FAM221A: variants seen among roughly 807,000 people sequenced by gnomAD.
FAM221A encodes family with sequence similarity 221 member A.
Under a neutral mutation model 37.6 loss-of-function variants are expected in FAM221A, and 43 were observed. That is an observed-to-expected ratio of 1.15 (90% CI 0.90 to 1.48). The LOEUF is 1.48. Among genes scored for constraint, FAM221A ranks in the 40% most tolerant of loss-of-function variants. The pLI is 0.00. For missense variants in FAM221A, 361 were observed against 361.5 expected, an observed-to-expected ratio of 1.00 and a Z score of 0.01; for synonymous variants, 135 against 132.9, an observed-to-expected ratio of 1.02 and a Z score of -0.11.
At chr7:23,700,978 T>C in intron 6 of FAM221A, 110 bp downstream of exon 6, 2 of 758,630 alleles carry the variant, frequency 2.6e-6, no homozygotes, top group Non-Finnish European at 4.3e-6. Context: ...ATAAAGTCTT[T>C]ACTTACAGTT....
At chr7:23,700,251 T>C (rs1347786392) in intron 5 of FAM221A, among the ~76,000 whole-genome samples, 1 of 152,230 alleles carries the variant, frequency 6.6e-6, no homozygotes, top group African/African-American at 2.4e-5. Flanking sequence ...ATTAGGCTCT[T>C]GGCTACCTGC....
intron 2 of FAM221A, chr7:23,687,798 C>T (rs1023046757): frequency 1.3e-5 from 2 of 151,826 alleles, no homozygotes; most frequent in Non-Finnish European, 2.9e-5. Flanking sequence ...CATACACCAC[C>T]ATGCTGGGCT....
intron 4 of FAM221A, chr7:23,692,844 A>G (rs559400849): frequency 2.9e-4 from 202 of 694,176 alleles, no homozygotes; most frequent in South Asian, 2.5e-3. Flanking sequence ...ATTTGTATTT[A>G]TTGTTTAAGA....
intron 4 of FAM221A, chr7:23,693,808 A>AT (rs1461611617): frequency 5.3e-5 from 8 of 152,182 alleles, no homozygotes; most frequent in Admixed American, 6.5e-5. Context: ...TGCCCAAATC[A>AT]TTTGAAACTC....
At chr7:23,695,851 C>T (rs1206862808) in intron 4 of FAM221A, among the ~76,000 whole-genome samples, 1 of 152,014 alleles carries the variant, frequency 6.6e-6, no homozygotes, top group East Asian at 1.9e-4. Context: ...TTTCCTCTTC[C>T]TTTCCAATAT....
intron 4 of FAM221A, among the ~76,000 whole-genome samples, chr7:23,696,552 A>G (rs571901973): frequency 1.7e-4 from 26 of 152,278 alleles, no homozygotes; most frequent in Non-Finnish European, 3.2e-4. Flanking sequence ...TGACAGAGTA[A>G]CACCCTGCCT....
chr7:23,697,169 C>T (rs1351805155), intron 4 of FAM221A, among the ~76,000 whole-genome samples: 6 of 152,196 alleles, frequency 3.9e-5, no homozygotes, highest in Non-Finnish European at 8.8e-5. Flanking sequence ...AGCACAAGGA[C>T]GTGCGTGGGC....
intron 6 of FAM221A, among the ~76,000 whole-genome samples, 165 bp downstream of exon 6, chr7:23,701,033 A>G (rs747093387): frequency 6.6e-6 from 1 of 152,210 alleles, no homozygotes; most frequent in Admixed American, 6.5e-5. Context: ...AAACAGGGCT[A>G]AAGAATAACA....
intron 2 of FAM221A, among the ~76,000 whole-genome samples, chr7:23,685,014 C>T (rs1784282759): frequency 6.6e-6 from 1 of 152,152 alleles, no homozygotes; most frequent in South Asian, 2.1e-4. Context: ...CTTTGGGAGG[C>T]CGAGGTGGGT....
At chr7:23,693,807 C>A (rs1784886421) in intron 4 of FAM221A, 1 of 152,154 alleles carries the variant, frequency 6.6e-6, no homozygotes, top group Admixed American at 6.5e-5. Flanking sequence ...TTGCCCAAAT[C>A]ATTTGAAACT....
intron 3 of FAM221A, 89 bp from the exon 4 acceptor site, chr7:23,691,301 G>T: frequency 1.6e-6 from 2 of 1,230,726 alleles, no homozygotes; most frequent in South Asian, 1.3e-5. Flanking sequence ...AGAGGATCTA[G>T]GTTCAGCTGG....
intron 2 of FAM221A, among the ~76,000 whole-genome samples, chr7:23,685,625 TTATA>T (rs1784325389): frequency 6.6e-6 from 1 of 152,238 alleles, no homozygotes; most frequent in African/African-American, 2.4e-5. Context: ...TAATTGCCTT[TTATA>T]CCTTAAGGAT....
rs1784332650 is a variant in FAM221A, at chr7:23,685,769, A to G, written c.239+1097A>G. Among the ~76,000 whole-genome samples the G allele has an allele frequency of 2.0e-5, 3 of 152,224 alleles. No individual in the cohort carries two copies. The South Asian group carries it at 6.2e-4, about 32-fold the overall frequency. Reference sequence around the variant, plus strand: ...TCAGTTTTTGGCTTGAGTTGTCTGTATCTGAAGTTTGCGTTTTGCTGTGTG... The same window carrying G: ...TCAGTTTTTGGCTTGAGTTGTCTGTGTCTGAAGTTTGCGTTTTGCTGTGTG... On this transcript the variant is annotated intron_variant, in intron 2 of 6. Transcript: ENST00000344962.
chr7:23,698,192 G>T lies in FAM221A; in HGVS notation c.638G>T (p.Gly213Val). 6.6e-7 allele frequency: 1 copy of T among 1,505,206 alleles called. No individual in the cohort carries two copies. Among genetic ancestry groups the T allele is most frequent in the Non-Finnish European group, 9.2e-7 (1 of 1,086,792 alleles). 93.2% of individuals were successfully genotyped at this position (1,505,206 alleles called of 1,614,324 possible). The change falls in exon 5 of 7, where the codon GGT (glycine) becomes GTT (valine). Residue 213 changes from glycine to valine, a missense_variant and splice_region_variant. Gly to Val is a moderately radical substitution (Grantham distance 109). Coordinates refer to ENST00000344962, the MANE Select transcript of FAM221A (RefSeq NM_199136.5). ...GYMRLDDSGI[G>V]VPSVEFLESP... Reference sequence around the variant, plus strand: ...TATTCTCCATGTATTGTTTTCTCAGGTGTACCTTCAGTTGAATTTTTAGAA... The same window carrying T: ...TATTCTCCATGTATTGTTTTCTCAGTTGTACCTTCAGTTGAATTTTTAGAA...
intron 4 of FAM221A, among the ~76,000 whole-genome samples, chr7:23,696,506 A>G (rs1272850024): frequency 1.3e-5 from 2 of 152,300 alleles, no homozygotes; most frequent in East Asian, 3.9e-4. Context: ...AGAGGTTGCA[A>G]TGAGCTGTGA....
intron 2 of FAM221A, chr7:23,686,349 G>T (rs1280755113): frequency 7.4e-6 from 3 of 402,862 alleles, no homozygotes; most frequent in Admixed American, 2.8e-5. Context: ...TTGCAGCCTC[G>T]ACCTCCTGGG....
At chr7:23,694,873 A>G (rs1382033132) in intron 4 of FAM221A, 3 of 152,146 alleles carry the variant, frequency 2.0e-5, no homozygotes, top group Non-Finnish European at 4.4e-5. Context: ...ACCTGTTCTT[A>G]TGTTTTAATT....
chr7:23,690,729 T>C (rs1479466867), intron 3 of FAM221A, among the ~76,000 whole-genome samples: 1 of 152,194 alleles, frequency 6.6e-6, no homozygotes, highest in African/African-American at 2.4e-5. Context: ...TCAGAACATT[T>C]TTCTCACCCC....
rs1406663307 is a variant in FAM221A, at chr7:23,691,545, G to A, written c.586G>A (p.Gly196Ser). Residue 196 changes from glycine to serine, a missense_variant, in exon 4 of 7, where the codon GGT becomes AGT. Physicochemically the swap from Gly to Ser is moderately conservative, Grantham distance 56. Coordinates refer to ENST00000344962, the MANE Select transcript of FAM221A (RefSeq NM_199136.5). ...TTATGCAGCCATGGGAGGATTAACTGGTTTCAGCTCGCTGGCGGAAGGCTA... is the reference window on the plus strand; with the variant it reads ...TTATGCAGCCATGGGAGGATTAACTAGTTTCAGCTCGCTGGCGGAAGGCTA... ...IPYAAMGGLT[G>S]FSSLAEGYMR... 1 of 1,614,066 alleles carries A rather than the reference G, an allele frequency of 6.2e-7. No homozygotes were observed. Among genetic ancestry groups the A allele is most frequent in the Non-Finnish European group, 8.5e-7 (1 of 1,180,040 alleles).
Sources: gnomAD v4.1 joint callset for allele counts (sites outside exome capture counted in the v4.1 genomes callset) on GRCh38, gnomAD v4.1.1 for gene constraint, MANE v1.5 for transcripts, NCBI Gene and HGNC (gene_info 2026-07-23, HGNC 2026-07-21) for gene names.